The following SPEF2 variants were observed in gnomAD, a reference collection of about 807,000 sequenced individuals.
The protein encoded by SPEF2 is sperm flagella and cilia-associated protein 2.
A neutral mutation model predicts 224.6 loss-of-function variants in SPEF2; 187 were observed. The observed-to-expected ratio is 0.83, with a 90% confidence interval of 0.74 to 0.94. The LOEUF is 0.94. Ranked by LOEUF, SPEF2 falls within the 40% of genes least tolerant of loss-of-function variation. The probability of loss-of-function intolerance (pLI) is 0.00; values close to 1 mark genes in which losing one functional copy is unlikely to be tolerated. For synonymous variants in SPEF2, 715 were observed against 707.3 expected (o/e 1.01, Z -0.17); for missense variants, 2,170 against 2,135.6 (o/e 1.02, Z -0.32).
intron 23 of SPEF2, among the ~76,000 whole-genome samples, chr5:35,751,041 ATG>A (rs60768948): frequency 3.1e-4 from 10 of 31,812 alleles, no homozygotes; most frequent in East Asian, 1.9e-3. Flanking sequence ...ATATACACAT[ATG>A]TATATATATA....
chr5:35,666,495 G>A (rs1189735415), intron 8 of SPEF2, among the ~76,000 whole-genome samples: 4 of 87,760 alleles, frequency 4.6e-5, no homozygotes, highest in Non-Finnish European at 6.7e-5. Flanking sequence ...CAGTTGTTAA[G>A]GCTGTATCTG....
intron 33 of SPEF2, among the ~76,000 whole-genome samples, chr5:35,797,986 C>G (rs773441401): frequency 6.6e-6 from 1 of 152,122 alleles, no homozygotes; most frequent in African/African-American, 2.4e-5. Flanking sequence ...CCCAGTTCCT[C>G]TCTTCTCTCA....
At chr5:35,710,676 T>A in intron 19 of SPEF2, 2 of 985,360 alleles carry the variant, frequency 2.0e-6, no homozygotes, top group Non-Finnish European at 2.4e-6. Flanking sequence ...AAGCTCCTCC[T>A]CAGCTTGCTC....
intron 23 of SPEF2, among the ~76,000 whole-genome samples, chr5:35,753,174 T>C (rs1360234045): frequency 6.6e-6 from 1 of 152,096 alleles, no homozygotes; most frequent in Non-Finnish European, 1.5e-5. Context: ...ACAACATTTT[T>C]TGGTGAACAA....
chr5:35,645,250 T>C lies in SPEF2; in HGVS notation c.585+725T>C, dbSNP rs76350871. ...ACTGTAAAATCACTTTTTAAATTCATGGATTTATTTGCAATGATAAGAAAT... is the reference window on the plus strand; with the variant it reads ...ACTGTAAAATCACTTTTTAAATTCACGGATTTATTTGCAATGATAAGAAAT... On this transcript the variant is annotated intron_variant, in intron 4 of 36. Coordinates refer to ENST00000356031, the MANE Select transcript of SPEF2 (RefSeq NM_024867.4). 8.5e-5 allele frequency among the ~76,000 whole-genome samples: 13 copies of C among 152,304 alleles called. 2 individuals carry two copies. The East Asian group carries it at 2.3e-3, about 27-fold the overall frequency.
chr5:35,759,375 CA>C (rs1332531060), intron 24 of SPEF2, among the ~76,000 whole-genome samples, 192 bp from the exon 25 acceptor site: 1 of 152,132 alleles, frequency 6.6e-6, no homozygotes, highest in Non-Finnish European at 1.5e-5. Context: ...ATAGAGAATG[CA>C]AAGTCACTAG....
chr5:35,725,676 A>G lies in SPEF2; in HGVS notation c.2915-1999A>G, dbSNP rs191339101. Among the ~76,000 whole-genome samples the G allele has an allele frequency of 5.9e-5, 9 of 152,226 alleles. No homozygotes were observed. The East Asian group carries it at 1.7e-3, about 29-fold the overall frequency. On this transcript the variant is annotated intron_variant, in intron 20 of 36. Transcript: ENST00000356031. ...CTCAGACCTTCACTGAGTTCCTATTATTATCTCTTTGCTCAAATCTACTGC... is the reference window on the plus strand; with the variant it reads ...CTCAGACCTTCACTGAGTTCCTATTGTTATCTCTTTGCTCAAATCTACTGC...
chr5:35,719,466 G>A (rs1195669090), intron 20 of SPEF2, among the ~76,000 whole-genome samples: 1 of 152,156 alleles, frequency 6.6e-6, no homozygotes, highest in Non-Finnish European at 1.5e-5. Context: ...GATTGGTTTT[G>A]ATGGAAGTCT....
At chr5:35,723,753 G>C (rs1744174034) in intron 20 of SPEF2, among the ~76,000 whole-genome samples, 1 of 152,154 alleles carries the variant, frequency 6.6e-6, no homozygotes, top group Non-Finnish European at 1.5e-5. Context: ...AGTATGATGG[G>C]TTTAAATTTT....
intron 30 of SPEF2, chr5:35,789,439 C>T (rs1755645083): frequency 2.9e-6 from 2 of 683,364 alleles, no homozygotes; most frequent in Admixed American, 2.1e-5. Flanking sequence ...AATTATCTGC[C>T]AGATGTTTCT....
At chr5:35,766,389 T>C (rs938895656) in intron 26 of SPEF2, among the ~76,000 whole-genome samples, 3 of 152,042 alleles carry the variant, frequency 2.0e-5, no homozygotes, top group African/African-American at 7.2e-5. Flanking sequence ...TTGTTTTTGG[T>C]AGATATTATT....
intron 10 of SPEF2, among the ~76,000 whole-genome samples, chr5:35,674,758 A>G (rs948254908): frequency 1.3e-5 from 2 of 152,058 alleles, no homozygotes; most frequent in Non-Finnish European, 2.9e-5. Flanking sequence ...TCCAAGTACC[A>G]TCACATTGGA....
At chr5:35,734,878 AT>A (rs1282662267) in intron 21 of SPEF2, among the ~76,000 whole-genome samples, 3 of 151,306 alleles carry the variant, frequency 2.0e-5, no homozygotes, top group Non-Finnish European at 4.4e-5. Flanking sequence ...CGCCTGGCTA[AT>A]TTTTGTATTT....
chr5:35,665,683 GCTCT>G, intron 8 of SPEF2, among the ~76,000 whole-genome samples: 1 of 151,460 alleles, frequency 6.6e-6, no homozygotes, highest in East Asian at 1.9e-4. Context: ...GGATATTTCT[GCTCT>G]CTTAGATTCA....
intron 36 of SPEF2, chr5:35,808,236 T>C (rs558059969): frequency 2.4e-6 from 2 of 819,412 alleles, no homozygotes; most frequent in South Asian, 5.6e-5. Flanking sequence ...TGTATTAGTA[T>C]AACTGAAGTT....
At chr5:35,620,687 G>T (rs550607616) in intron 1 of SPEF2, among the ~76,000 whole-genome samples, 9 of 152,284 alleles carry the variant, frequency 5.9e-5, no homozygotes, top group African/African-American at 2.2e-4. Flanking sequence ...ACTATGAATT[G>T]TTATGCAGTT....
At chr5:35,696,593 A>G (rs188494485) in intron 14 of SPEF2, among the ~76,000 whole-genome samples, 24 of 152,326 alleles carry the variant, frequency 1.6e-4, no homozygotes, top group African/African-American at 5.8e-4. Context: ...TGTTTTGTAC[A>G]CTGTTTTAAT....
At chr5:35,620,533 A>G (rs947444443) in intron 1 of SPEF2, among the ~76,000 whole-genome samples, 1 of 152,210 alleles carries the variant, frequency 6.6e-6, no homozygotes, top group East Asian at 1.9e-4. Flanking sequence ...GCATCTATCA[A>G]ATAAAAATAA....
intron 10 of SPEF2, chr5:35,670,506 T>A: frequency 9.5e-7 from 1 of 1,052,590 alleles, no homozygotes. Flanking sequence ...TTTAAAATGC[T>A]TTAATTTATT....
Sources: allele counts gnomAD v4.1 joint callset (sites outside exome capture counted in the v4.1 genomes callset), GRCh38; gene constraint gnomAD v4.1.1; transcripts MANE v1.5; gene names NCBI Gene and HGNC (gene_info 2026-07-23, HGNC 2026-07-21).